RAP1GAP: variants seen among roughly 807,000 people sequenced by gnomAD.
RAP1GAP encodes the protein RAP1 GTPase activating protein.
Under a neutral mutation model 87.2 loss-of-function variants are expected in RAP1GAP, and 35 were observed. The ratio of observed to expected loss-of-function variants is 0.40; its 90% CI spans 0.31 to 0.53. The LOEUF is 0.53. Among genes scored for constraint, RAP1GAP ranks in the 20% least tolerant of loss-of-function variants. RAP1GAP has a pLI of 0.48. For synonymous variants in RAP1GAP, 375 were observed against 363.9 expected, an observed-to-expected ratio of 1.03 and a Z score of -0.35; for missense variants, 734 against 898.9, an observed-to-expected ratio of 0.82 and a Z score of 2.35.
intron 2 of RAP1GAP, among the ~76,000 whole-genome samples, chr1:21,630,705 G>A (rs573138658): frequency 1.6e-4 from 25 of 151,858 alleles, no homozygotes; most frequent in African/African-American, 5.6e-4. Flanking sequence ...GTGTGTGCTC[G>A]GCTAATTAAA....
rs2076578180 is a variant in RAP1GAP at position 21,609,051 on chromosome 1, C to T, written c.1072-115G>A. 2.3e-6 allele frequency: 2 copies of T among 871,186 alleles called. No individual in the cohort carries two copies. Among genetic ancestry groups the T allele is most frequent in the Admixed American group, 1.8e-5 (1 of 54,292 alleles). The allele number at this position is 871,186 out of a possible 1,614,324, so 54.0% of individuals were successfully genotyped here. A position where few individuals can be genotyped will look rare whatever the true frequency, so the allele number is the denominator to read the frequency against. ...GCTCCTGAACCATGCTCTGCTGGGG[C>T]CTGGGGTCACCCTCTTCACTCCCAA... On this transcript the variant is annotated intron_variant, in intron 15 of 24. Transcript: ENST00000374765. The surrounding 1 kb of genome is among the most constrained non-coding windows in gnomAD (Gnocchi z 4.4).
intron 21 of RAP1GAP, among the ~76,000 whole-genome samples, chr1:21,598,888 C>T (rs2148458674): frequency 6.6e-6 from 1 of 152,382 alleles, no homozygotes; most frequent in Non-Finnish European, 1.5e-5. Flanking sequence ...TGCACTGTTC[C>T]CAGCTGTATC....
At position 21,651,746 on chromosome 1, in the gene RAP1GAP, A is replaced by ACGCGC. The variant is rs940514379; in HGVS notation, c.-148-1955_-148-1951dup. On this transcript the variant is annotated intron_variant, in intron 1 of 24. Coordinates refer to ENST00000374765, the MANE Select transcript of RAP1GAP (RefSeq NM_002885.4). ...CACGCGTGCACACGCACACGCGCGC[A>ACGCGC]CGCGCCCCGCCCCGCGCCGCGCCAC... is the stretch of plus-strand genomic sequence containing the variant. The ACGCGC allele has an allele frequency of 6.2e-5, 86 of 1,397,746 alleles. 1 individual carries two copies. The highest frequency in any genetic ancestry group is 5.6e-4 in the South Asian group (42 of 74,914). 86.6% of individuals were successfully genotyped at this position (1,397,746 alleles called of 1,614,324 possible).
chr1:21,612,579 G>A (rs1421156100), intron 10 of RAP1GAP, among the ~76,000 whole-genome samples: 1 of 152,134 alleles, frequency 6.6e-6, no homozygotes, highest in Non-Finnish European at 1.5e-5. Context: ...ATAAGCAGGA[G>A]GGGGGCCCTG....
chr1:21,651,841 C>A, intron 1 of RAP1GAP: 2 of 1,147,190 alleles, frequency 1.7e-6, no homozygotes, highest in Non-Finnish European at 2.1e-6. Flanking sequence ...CGCCGCCGCC[C>A]GGCCCGGCCC....
At position 21,611,828 on chromosome 1, in the gene RAP1GAP, G is replaced by A. The variant is rs202195527; in HGVS notation, c.613-12C>T. 3.1e-6 allele frequency: 5 copies of A among 1,598,382 alleles called. No individual in the cohort carries two copies. Among genetic ancestry groups the A allele is most frequent in the African/African-American group, 2.7e-5 (2 of 74,650 alleles). ...TCTTCCTCGGAGGTCTGGGGATGAG[G>A]GGCCAAGGTCATTGAGCTGGAGTTC... On this transcript the variant is annotated splice_polypyrimidine_tract_variant and intron_variant, in intron 11 of 24. Coordinates refer to ENST00000374765, the MANE Select transcript of RAP1GAP (RefSeq NM_002885.4).
intron 2 of RAP1GAP, among the ~76,000 whole-genome samples, chr1:21,642,799 C>T (rs939389244): frequency 2.0e-5 from 3 of 151,876 alleles, no homozygotes; most frequent in African/African-American, 7.3e-5. Flanking sequence ...CCACCACACA[C>T]TTTTCTCCTC....
At chr1:21,642,785 T>G (rs1309177882) in intron 2 of RAP1GAP, among the ~76,000 whole-genome samples, 1 of 151,946 alleles carries the variant, frequency 6.6e-6, no homozygotes, top group East Asian at 1.9e-4. Flanking sequence ...GAATCCAGCA[T>G]GTGCCACCAC....
chr1:21,627,195 T>C (rs2092468103), intron 2 of RAP1GAP, among the ~76,000 whole-genome samples: 1 of 152,184 alleles, frequency 6.6e-6, no homozygotes, highest in African/African-American at 2.4e-5. Flanking sequence ...CAGGCCTGGC[T>C]TCCGCTGCTG....
rs1455422873 is a variant in RAP1GAP, at chr1:21,608,316, T to C, written c.1193A>G (p.Tyr398Cys). 17 of 1,613,852 alleles carry C rather than the reference T, an allele frequency of 1.1e-5. No individual in the cohort carries two copies. Among genetic ancestry groups the C allele is most frequent in the East Asian group, 2.2e-5 (1 of 44,872 alleles). Residue 398 changes from tyrosine to cysteine, a missense_variant, in exon 17 of 25, where the codon TAT becomes TGT. Coordinates refer to ENST00000374765, the MANE Select transcript of RAP1GAP (RefSeq NM_002885.4). ...RTRAALLETL[Y>C]EELHIHSQSM... ...CTGGCTGTGGATGTGTAGTTCCTCATAGAGCGTCTCCAGGAGGGCGGCCCG... is the reference window on the plus strand; with the variant it reads ...CTGGCTGTGGATGTGTAGTTCCTCACAGAGCGTCTCCAGGAGGGCGGCCCG...
At chr1:21,621,116 ACACACAAATGCAAACC>A (rs1345041066) in intron 3 of RAP1GAP, among the ~76,000 whole-genome samples, 2 of 152,186 alleles carry the variant, frequency 1.3e-5, no homozygotes, top group African/African-American at 2.4e-5. Flanking sequence ...GGAGAGATAC[ACACACAAATGCAAACC>A]CACACCTGTG....
At chr1:21,654,132 C>T (rs2152119815) in intron 1 of RAP1GAP, among the ~76,000 whole-genome samples, 1 of 152,198 alleles carries the variant, frequency 6.6e-6, no homozygotes, top group African/African-American at 2.4e-5. Flanking sequence ...GGGTCACGTT[C>T]CCTTGGCCAG....
intron 10 of RAP1GAP, among the ~76,000 whole-genome samples, chr1:21,612,657 A>G (rs1474411228): frequency 2.0e-5 from 3 of 152,196 alleles, no homozygotes; most frequent in South Asian, 2.1e-4. Flanking sequence ...GAATTCAGTC[A>G]GGGACCCAAG....
chr1:21,655,487 C>T (rs556916084), intron 1 of RAP1GAP, among the ~76,000 whole-genome samples: 80 of 152,360 alleles, frequency 5.3e-4, no homozygotes, highest in Non-Finnish European at 1.0e-3. Flanking sequence ...TCCCATGACA[C>T]TGGCCTCACT....
Position 21,660,345 on chromosome 1 carries a change from A to ATATATATATATATATTTATTTATT in RAP1GAP, c.-149+8908_-149+8909insAATAAATAAATATATATATATATA. ...AGAGTGGGTTCCAACTCAGCTATATATATTTATTGAGACAGTCTCGCTCTG... is the reference window on the plus strand; with the variant it reads ...AGAGTGGGTTCCAACTCAGCTATATATATATATATATATATTTATTTATTTATTTATTGAGACAGTCTCGCTCTG... On this transcript the variant is annotated intron_variant, in intron 1 of 24. Coordinates refer to ENST00000374765, the MANE Select transcript of RAP1GAP (RefSeq NM_002885.4). Among the ~76,000 whole-genome samples the ATATATATATATATATTTATTTATT allele has an allele frequency of 5.4e-3, 502 of 92,640 alleles. 111 individuals are homozygous for ATATATATATATATATTTATTTATT. Among genetic ancestry groups the ATATATATATATATATTTATTTATT allele is most frequent in the Non-Finnish European group, 8.8e-3 (394 of 44,776 alleles). The allele number at this position is 92,640 out of a possible 152,430, so 60.8% of individuals were successfully genotyped here. A position where few individuals can be genotyped will look rare whatever the true frequency, so the allele number is the denominator to read the frequency against.
chr1:21,629,944 G>A (rs1230203111), intron 2 of RAP1GAP, among the ~76,000 whole-genome samples: 1 of 152,142 alleles, frequency 6.6e-6, no homozygotes, highest in Non-Finnish European at 1.5e-5. Context: ...AGAGCCTTAC[G>A]ACTTCCAGCT....
chr1:21,609,646 C>T lies in RAP1GAP; in HGVS notation c.1000G>A (p.Val334Ile). 5 of 1,571,988 alleles carry T rather than the reference C, an allele frequency of 3.2e-6. No homozygotes were observed. Among genetic ancestry groups the T allele is most frequent in the Non-Finnish European group, 4.3e-6 (5 of 1,159,178 alleles). The change falls in exon 15 of 25, where the codon GTC becomes ATC. Residue 334 changes from valine to isoleucine, a missense_variant and splice_region_variant. Around this residue, in one of 2 missense-constraint regions of RAP1GAP, gnomAD observed 485 missense variants for 646.2 expected, o/e 0.75. Coordinates refer to ENST00000374765, the MANE Select transcript of RAP1GAP (RefSeq NM_002885.4). This position sits in a 1 kb window ranked among gnomAD's most constrained non-coding sequence, Gnocchi z 4.4. ...GGGPDGPLYK[V>I]SVTARDDVPF... ...ACATCATCTCTTGCAGTGACAGAGACCTGGAAGGGAGGGCAGCTGTCTGTT... is the reference window on the plus strand; with the variant it reads ...ACATCATCTCTTGCAGTGACAGAGATCTGGAAGGGAGGGCAGCTGTCTGTT...
At chr1:21,646,792 C>T (rs988516236) in intron 2 of RAP1GAP, among the ~76,000 whole-genome samples, 24 of 152,182 alleles carry the variant, frequency 1.6e-4, no homozygotes, top group African/African-American at 5.8e-4. Context: ...TAATCAGTCA[C>T]CCACTGTCCC....
chr1:21,651,258 G>C (rs1200248411), intron 1 of RAP1GAP: 5 of 371,968 alleles, frequency 1.3e-5, no homozygotes, highest in East Asian at 7.4e-5. Flanking sequence ...TGGTGCCCAG[G>C]GTGGGCAGGA....
Sources: allele counts gnomAD v4.1 joint callset (sites outside exome capture counted in the v4.1 genomes callset), GRCh38; gene constraint gnomAD v4.1.1; regional missense constraint gnomAD v4.1.1; non-coding constraint Gnocchi (gnomAD v3.1); transcripts MANE v1.5; gene names NCBI Gene and HGNC (gene_info 2026-07-23, HGNC 2026-07-21).